Variants in CPAMD8 observed in about 807,000 individuals in gnomAD.
The protein encoded by CPAMD8 is C3 and PZP like alpha-2-macroglobulin domain containing 8.
In CPAMD8, 146 loss-of-function variants were observed where a neutral mutation model predicts 224.7. The ratio of observed to expected loss-of-function variants is 0.65; its 90% CI spans 0.57 to 0.75. CPAMD8 has a LOEUF of 0.75. Among genes scored for constraint, CPAMD8 ranks in the 30% least tolerant of loss-of-function variants. The pLI is 0.00. For missense variants in CPAMD8, 2,301 were observed against 2,537.5 expected, an observed-to-expected ratio of 0.91 and a Z score of 2.00; for synonymous variants, 966 against 1,044.6, an observed-to-expected ratio of 0.92 and a Z score of 1.45.
At chr19:16,951,625 C>A (rs999725579) in intron 20 of CPAMD8, among the ~76,000 whole-genome samples, 1 of 152,130 alleles carries the variant, frequency 6.6e-6, no homozygotes, top group Non-Finnish European at 1.5e-5. Flanking sequence ...AGTCCAGGCA[C>A]GCCCTTGCTA....
rs3745339 is a variant in CPAMD8 at position 16,997,243 on chromosome 19, C to T, written c.963G>A (p.Met321Ile). 246,167 of 1,552,518 alleles carry T rather than the reference C, an allele frequency of 0.16. 21,365 individuals are homozygous for T. The highest frequency in any genetic ancestry group is 0.32 in the African/African-American group (23,254 of 73,662). The change falls in exon 11 of 42, where the codon ATG (methionine) becomes ATA (isoleucine). Residue 321 changes from methionine to isoleucine, a missense_variant. This residue lies in a region of CPAMD8 where 301 missense variants were observed against 406.6 expected (regional missense o/e 0.74). Coordinates refer to ENST00000443236, the MANE Select transcript of CPAMD8 (RefSeq NM_015692.5). ...HFRGRVSIWA[M>I]VTSVDGSQQV... ...GCTGGCTCCCGTCCACACTGGTCAC[C>T]ATGGCCCAGATGCTGACCCTGCCCC...
At chr19:16,953,448 C>T (rs993354220) in intron 19 of CPAMD8, among the ~76,000 whole-genome samples, 2 of 151,840 alleles carry the variant, frequency 1.3e-5, no homozygotes, top group African/African-American at 4.8e-5. Flanking sequence ...TCCTGTAATC[C>T]CAGCACTTTG....
Position 16,957,738 on chromosome 19 carries a change from GT to G in CPAMD8, c.2276+114del, listed in dbSNP as rs1242802887. On this transcript the variant is annotated intron_variant, in intron 19 of 41. Coordinates refer to ENST00000443236, the MANE Select transcript of CPAMD8 (RefSeq NM_015692.5). ...TGTGTGTTAGAAAAAGATGCACAGT[GT>G]CTTGCTCAGATGTTGGTATCAGGCC... 8 of 922,758 alleles carry G rather than the reference GT, an allele frequency of 8.7e-6. No individual in the cohort carries two copies. The East Asian group carries it at 1.9e-4, about 22-fold the overall frequency. The allele number at this position is 922,758 out of a possible 1,614,324, so 57.2% of individuals were successfully genotyped here.
At chr19:17,008,620 C>T (rs2056559267) in intron 6 of CPAMD8, 61 bp from the exon 7 acceptor site, 2 of 1,556,222 alleles carry the variant, frequency 1.3e-6, no homozygotes, top group African/African-American at 1.4e-5. Context: ...AGCATGTGCC[C>T]AATGTAAGGA....
intron 20 of CPAMD8, 41 bp from the exon 21 acceptor site, chr19:16,947,268 A>G (rs2122280470): frequency 6.3e-7 from 1 of 1,574,880 alleles, no homozygotes; most frequent in Non-Finnish European, 8.6e-7. Flanking sequence ...TGGAATCCAG[A>G]CCCCCTCCCA....
intron 18 of CPAMD8, among the ~76,000 whole-genome samples, chr19:16,960,556 ATTC>A (rs1599787815): frequency 6.7e-6 from 1 of 148,450 alleles, no homozygotes; most frequent in Admixed American, 6.9e-5. Flanking sequence ...ACATTATGGT[ATTC>A]TTCTATTCTT....
rs1267187089 is a variant in CPAMD8, at chr19:16,970,839, G to A, written c.2213+52C>T. The A allele has an allele frequency of 3.2e-6, 5 of 1,564,510 alleles. No individual in the cohort carries two copies. In the Admixed American group the frequency reaches 8.6e-5, roughly 27 times the overall value. ...CCAGGAAGGACAAAGACAAGCCCCA[G>A]ATGTTAATAGGACCAGGGTTAGAAA... On this transcript the variant is annotated intron_variant, in intron 18 of 41. Coordinates refer to ENST00000443236, the MANE Select transcript of CPAMD8 (RefSeq NM_015692.5).
At chr19:16,964,930 A>T (rs1293615597) in intron 18 of CPAMD8, among the ~76,000 whole-genome samples, 3 of 152,162 alleles carry the variant, frequency 2.0e-5, no homozygotes, top group Non-Finnish European at 4.4e-5. Flanking sequence ...AGACAGAACC[A>T]TTGACAAAAA....
chr19:16,899,604 C>T lies in CPAMD8; in HGVS notation c.4774-55G>A. ...CAGACTCTCTACTTGCTTCCTCTCC[C>T]ATCCCCTGGGGGCAGTGGTCAGTGG... On this transcript the variant is annotated intron_variant, in intron 36 of 41. Transcript: ENST00000443236. The surrounding 1 kb of genome is among the most constrained non-coding windows in gnomAD (Gnocchi z 5.4). The T allele has an allele frequency of 2.3e-6, 2 of 860,492 alleles. No individual in the cohort carries two copies. Among genetic ancestry groups the T allele is most frequent in the Non-Finnish European group, 4.0e-6 (2 of 494,982 alleles). The allele number at this position is 860,492 out of a possible 1,614,324, so 53.3% of individuals were successfully genotyped here. A position where few individuals can be genotyped will look rare whatever the true frequency, so the allele number is the denominator to read the frequency against.
intron 27 of CPAMD8, 112 bp downstream of exon 27, chr19:16,921,793 C>T: frequency 1.4e-6 from 1 of 690,974 alleles, no homozygotes; most frequent in East Asian, 2.8e-5. Context: ...AGCTGTGTTC[C>T]CTGTCATCCG....
chr19:16,914,041 T>A (rs1378648962), intron 29 of CPAMD8, among the ~76,000 whole-genome samples: 1 of 152,044 alleles, frequency 6.6e-6, no homozygotes, highest in African/African-American at 2.4e-5. Flanking sequence ...TGCAAAAACA[T>A]GCATGAGCCC....
chr19:16,956,841 C>T (rs889009687), intron 19 of CPAMD8, among the ~76,000 whole-genome samples: 40 of 151,938 alleles, frequency 2.6e-4, no homozygotes, highest in African/African-American at 8.7e-4. Context: ...CTATTTTTTG[C>T]GTTTTTAGTA....
Position 16,901,267 on chromosome 19 carries a change from A to G in CPAMD8, c.4716T>C (p.Ala1572=). The part of the protein sequence containing the change: ...RWLHAGSSNM[A]VLEVPLLSGF... Reference sequence around the variant, plus strand: ...CTGACAGCAGGGGCACCTCCAGGACAGCCATATTGGAAGACCCTGCATGCA... The same window carrying G: ...CTGACAGCAGGGGCACCTCCAGGACGGCCATATTGGAAGACCCTGCATGCA... Residue 1572 remains alanine (A), a synonymous_variant, in exon 36 of 42, where the codon GCT becomes GCC. Transcript: ENST00000443236. 1 of 1,612,960 alleles carries G rather than the reference A, an allele frequency of 6.2e-7. No homozygotes were observed. The highest frequency in any genetic ancestry group is 2.2e-5 in the East Asian group (1 of 44,848).
chr19:16,962,443 T>C (rs2054688453), intron 18 of CPAMD8, among the ~76,000 whole-genome samples: 1 of 151,986 alleles, frequency 6.6e-6, no homozygotes, highest in Non-Finnish European at 1.5e-5. Context: ...AGGGTATCAG[T>C]GATTGAAGAT....
chr19:16,894,392 G>A (rs1037729224), intron 41 of CPAMD8: 20 of 456,658 alleles, frequency 4.4e-5, no homozygotes, highest in African/African-American at 2.2e-4. Flanking sequence ...AGATGGTGTC[G>A]TCCTGCTCTC....
intron 19 of CPAMD8, among the ~76,000 whole-genome samples, chr19:16,953,652 C>CA (rs60937762): frequency 0.035 from 3,303 of 94,122 alleles, 57 homozygotes; most frequent in African/African-American, 0.063. Flanking sequence ...GACCTTGTCT[C>CA]AAAAAAAAAA....
chr19:17,017,108 T>A (rs890290248), intron 3 of CPAMD8, among the ~76,000 whole-genome samples: 7 of 152,032 alleles, frequency 4.6e-5, no homozygotes, highest in African/African-American at 1.7e-4. Context: ...TCCCATCAGA[T>A]CAGTGGTGGC....
At chr19:16,988,707 C>T (rs1010098052) in intron 13 of CPAMD8, among the ~76,000 whole-genome samples, 1 of 152,130 alleles carries the variant, frequency 6.6e-6, no homozygotes, top group Non-Finnish European at 1.5e-5. Context: ...TAAGGGATCC[C>T]TGTGTCAGCT....
chr19:16,979,184 A>G (rs1294318381), intron 14 of CPAMD8, among the ~76,000 whole-genome samples: 1 of 147,532 alleles, frequency 6.8e-6, no homozygotes, highest in Non-Finnish European at 1.5e-5. Flanking sequence ...CCATCCATTC[A>G]TCTATTCATC....
Sources: gnomAD v4.1 joint callset for allele counts (sites outside exome capture counted in the v4.1 genomes callset) on GRCh38, gnomAD v4.1.1 for gene constraint, gnomAD v4.1.1 regional missense constraint, Gnocchi (gnomAD v3.1) non-coding constraint, MANE v1.5 for transcripts, NCBI Gene and HGNC (gene_info 2026-07-23, HGNC 2026-07-21) for gene names.